Variants in UQCRB observed in about 807,000 individuals in gnomAD.
UQCRB encodes the protein ubiquinol-cytochrome c reductase binding protein.
UQCRB carries 12 observed loss-of-function variants against 19.8 expected under a neutral mutation model. That is an observed-to-expected ratio of 0.61 (90% CI 0.39 to 0.98). The LOEUF (loss-of-function observed/expected upper bound fraction) is 0.98. Ranked by LOEUF, UQCRB falls within the 50% of genes least tolerant of loss-of-function variation. The pLI is 0.00. For missense variants in UQCRB, 142 were observed against 131.8 expected (o/e 1.08, Z -0.38); for synonymous variants, 39 against 42.9 (o/e 0.91, Z 0.35).
chr8:96,226,451 CTT>C lies in UQCRB; in HGVS notation c.*4602_*4603del, dbSNP rs1264240177. 1.0e-4 allele frequency: 17 copies of C among 169,704 alleles called. No individual in the cohort carries two copies. The highest frequency in any genetic ancestry group is 3.9e-4 in the African/African-American group (16 of 41,538). The allele number at this position is 169,704 out of a possible 1,614,324, so 10.5% of individuals were successfully genotyped here. ...TCATTTTCTAGCTGAGGAAGCCAAT[CTT>C]TAGACTAATGACTTGCCTAAATCAT... On this transcript the variant is annotated 3_prime_UTR_variant, in exon 4 of 4. Coordinates refer to ENST00000287022, the MANE Select transcript of UQCRB (RefSeq NM_006294.5).
Position 96,223,800 on chromosome 8 carries a change from C to T in UQCRB, c.*7255G>A, listed in dbSNP as rs763513807. ...AATGTTTTCAGAATGGACAAACCTTCTGTTTTCTATCATATGGCATCTTTT... is the reference window on the plus strand; with the variant it reads ...AATGTTTTCAGAATGGACAAACCTTTTGTTTTCTATCATATGGCATCTTTT... On this transcript the variant is annotated 3_prime_UTR_variant, in exon 4 of 4. Coordinates refer to ENST00000287022, the MANE Select transcript of UQCRB (RefSeq NM_006294.5). 6.6e-6 allele frequency among the ~76,000 whole-genome samples: 1 copy of T among 152,196 alleles called. No individual in the cohort carries two copies. The highest frequency in any genetic ancestry group is 1.5e-5 in the Non-Finnish European group (1 of 68,046).
rs1809471205 is a variant in UQCRB, at chr8:96,223,008, G to C, written c.*8047C>G. Among the ~76,000 whole-genome samples the C allele has an allele frequency of 6.6e-6, 1 of 152,136 alleles. No homozygotes were observed. The highest frequency in any genetic ancestry group is 2.4e-5 in the African/African-American group (1 of 41,416). On this transcript the variant is annotated 3_prime_UTR_variant, in exon 4 of 4. Coordinates refer to ENST00000287022, the MANE Select transcript of UQCRB (RefSeq NM_006294.5). The stretch of plus-strand genomic sequence containing the variant: ...ATGTCAAATACATAGAAACAGAGAA[G>C]AATGGTGGTTTCCAGAGTGGGAAGG...
In UQCRB at chr8:96,233,247, T is replaced by C. The variant is rs200955729; in HGVS notation, c.20-20A>G. 1 of 1,611,474 alleles carries C rather than the reference T, an allele frequency of 6.2e-7. No individual in the cohort carries two copies. The highest frequency in any genetic ancestry group is 8.5e-7 in the Non-Finnish European group (1 of 1,178,104). ...CTGAAACTGATAATTGTCACACTGTTAATTGCTACAATTTAATTATACTAT... is the reference window on the plus strand; with the variant it reads ...CTGAAACTGATAATTGTCACACTGTCAATTGCTACAATTTAATTATACTAT... On this transcript the variant is annotated intron_variant, in intron 1 of 3. Coordinates refer to ENST00000287022, the MANE Select transcript of UQCRB (RefSeq NM_006294.5).
At position 96,231,629 on chromosome 8, in the gene UQCRB, G is replaced by A. The variant is rs765008247; in HGVS notation, c.258+145C>T. 6.7e-5 allele frequency: 93 copies of A among 1,383,022 alleles called. No individual in the cohort carries two copies. The Admixed American group carries it at 1.4e-3, about 21-fold the overall frequency. 85.7% of individuals were successfully genotyped at this position (1,383,022 alleles called of 1,614,324 possible). Reference sequence around the variant, plus strand: ...ACTCAATGTGGTTTTCTTCTAAAACGGAAATAACATTTGCTTTATTAACCT... The same window carrying A: ...ACTCAATGTGGTTTTCTTCTAAAACAGAAATAACATTTGCTTTATTAACCT... On this transcript the variant is annotated intron_variant, in intron 3 of 3. Coordinates refer to ENST00000287022, the MANE Select transcript of UQCRB (RefSeq NM_006294.5).
chr8:96,233,342 T>A (rs1194217097), intron 1 of UQCRB, 115 bp from the exon 2 acceptor site: 1 of 987,372 alleles, frequency 1.0e-6, no homozygotes, highest in Admixed American at 1.8e-5. Context: ...TAGAAATAAA[T>A]TTCCTTTTAA....
intron 2 of UQCRB, chr8:96,232,338 G>A: frequency 4.8e-6 from 1 of 208,172 alleles, no homozygotes; most frequent in East Asian, 1.3e-4. Flanking sequence ...CTGAGATCAA[G>A]GTATTAAAGA....
In UQCRB at chr8:96,225,219, T is replaced by C. The variant is rs181560857; in HGVS notation, c.*5836A>G. 2.6e-5 allele frequency among the ~76,000 whole-genome samples: 4 copies of C among 152,202 alleles called. No individual in the cohort carries two copies. Among genetic ancestry groups the C allele is most frequent in the Non-Finnish European group, 4.4e-5 (3 of 68,006 alleles). ...GAAATAACAACTTGATAATAGCATA[T>C]GGAAAAACGTCTAGCTACTCAATCC... On this transcript the variant is annotated 3_prime_UTR_variant, in exon 4 of 4. Coordinates refer to ENST00000287022, the MANE Select transcript of UQCRB (RefSeq NM_006294.5).
In UQCRB at chr8:96,231,890, T is replaced by C. The variant is rs765967155; in HGVS notation, c.142A>G (p.Ile48Val). ...TAAAGGTTCTCAGGAAGTCTTCTTA[T>C]GGCTTCTTTTACATCTTCATCCTCG... ...IYEDEDVKEA[I>V]RRLPENLYND... The change falls in exon 3 of 4, where the codon ATA becomes GTA. Residue 48 changes from isoleucine to valine, a missense_variant. Physicochemically the swap from Ile to Val is conservative, Grantham distance 29. This residue lies in a region of UQCRB where 132 missense variants were observed against 107.5 expected (regional missense o/e 1.23). Transcript: ENST00000287022. 21 of 1,614,050 alleles carry C rather than the reference T, an allele frequency of 1.3e-5. No homozygotes were observed. In the South Asian group the frequency reaches 2.0e-4, roughly 15 times the overall value.
chr8:96,234,766 C>T (rs1481018087), intron 1 of UQCRB: 11 of 266,310 alleles, frequency 4.1e-5, no homozygotes, highest in South Asian at 2.9e-4. Flanking sequence ...AGCAAGACTC[C>T]GTCTCAAAGA....
At position 96,229,783 on chromosome 8, in the gene UQCRB, GA is replaced by G. The variant is rs1391388501; in HGVS notation, c.*1271del. Reference sequence around the variant, plus strand: ...AGCGAAAGGAAAAAAAAAAGCGGGGGAGGGGGTTCCTAGAGAATTTAAGAGG... The same window carrying G: ...AGCGAAAGGAAAAAAAAAAGCGGGGGGGGGGTTCCTAGAGAATTTAAGAGG... On this transcript the variant is annotated 3_prime_UTR_variant, in exon 4 of 4. Transcript: ENST00000287022. 2 of 453,638 alleles carry G rather than the reference GA, an allele frequency of 4.4e-6. No individual in the cohort carries two copies. The highest frequency in any genetic ancestry group is 8.8e-6 in the Non-Finnish European group (2 of 226,710). 28.1% of individuals were successfully genotyped at this position (453,638 alleles called of 1,614,324 possible).
At chr8:96,233,584 G>T (rs1809726749) in intron 1 of UQCRB, 2 of 192,376 alleles carry the variant, frequency 1.0e-5, no homozygotes, top group East Asian at 2.9e-4. Context: ...CTTCAGAAAT[G>T]AAGGGGTGGG....
In UQCRB at chr8:96,227,730, GT is replaced by G. The variant is rs1337360720; in HGVS notation, c.*3324del. 2.2e-6 allele frequency: 1 copy of G among 453,738 alleles called. No homozygotes were observed. Among genetic ancestry groups the G allele is most frequent in the East Asian group, 6.9e-5 (1 of 14,394 alleles). The allele number at this position is 453,738 out of a possible 1,614,324, so 28.1% of individuals were successfully genotyped here. A position where few individuals can be genotyped will look rare whatever the true frequency, so the allele number is the denominator to read the frequency against. On this transcript the variant is annotated 3_prime_UTR_variant, in exon 4 of 4. Transcript: ENST00000287022. Reference sequence around the variant, plus strand: ...GATTATTACTTTGGGCTTTGGCCCAGTTTTTATTCTTACTGCTGAATCTTTT... The same window carrying G: ...GATTATTACTTTGGGCTTTGGCCCAGTTTTATTCTTACTGCTGAATCTTTT...
chr8:96,231,224 A>G (rs1359991205), intron 3 of UQCRB, 92 bp from the exon 4 acceptor site: 6 of 1,612,080 alleles, frequency 3.7e-6, no homozygotes, highest in Non-Finnish European at 5.1e-6. Context: ...AAAAGCAATT[A>G]CTTTTGAATT....
rs1809485403 is a variant in UQCRB, at chr8:96,223,863, A to G, written c.*7192T>C. On this transcript the variant is annotated 3_prime_UTR_variant, in exon 4 of 4. Coordinates refer to ENST00000287022, the MANE Select transcript of UQCRB (RefSeq NM_006294.5). ...TTACCTGCATTAAATTGTGTAGAAG[A>G]GTAAGTCTCTGATTGGAAGCAGATC... Among the ~76,000 whole-genome samples the G allele has an allele frequency of 6.6e-6, 1 of 152,124 alleles. No individual in the cohort carries two copies. The highest frequency in any genetic ancestry group is 6.5e-5 in the Admixed American group (1 of 15,288).
rs952914000 is a variant in UQCRB, at chr8:96,227,015, A to C, written c.*4040T>G. On this transcript the variant is annotated 3_prime_UTR_variant, in exon 4 of 4. Coordinates refer to ENST00000287022, the MANE Select transcript of UQCRB (RefSeq NM_006294.5). ...ATTCTAACATGTTATGGCTTTTAAT[A>C]TGAACGCCAGTATAACCAGAATGTA... 2.2e-6 allele frequency: 1 copy of C among 454,036 alleles called. No individual in the cohort carries two copies. The highest frequency in any genetic ancestry group is 2.0e-5 in the African/African-American group (1 of 50,130). The allele number at this position is 454,036 out of a possible 1,614,324, so 28.1% of individuals were successfully genotyped here. A position where few individuals can be genotyped will look rare whatever the true frequency, so the allele number is the denominator to read the frequency against.
Position 96,229,347 on chromosome 8 carries a change from A to G in UQCRB, c.*1708T>C. Reference sequence around the variant, plus strand: ...TGCCCTTAGGCTTGCTTTAAACATTAACAGCATTCATAAGCATGGTTTCTA... The same window carrying G: ...TGCCCTTAGGCTTGCTTTAAACATTGACAGCATTCATAAGCATGGTTTCTA... On this transcript the variant is annotated 3_prime_UTR_variant, in exon 4 of 4. Transcript: ENST00000287022. 2.2e-6 allele frequency: 1 copy of G among 454,068 alleles called. No homozygotes were observed. The highest frequency in any genetic ancestry group is 4.4e-6 in the Non-Finnish European group (1 of 226,778). The allele number at this position is 454,068 out of a possible 1,614,324, so 28.1% of individuals were successfully genotyped here.
Position 96,228,975 on chromosome 8 carries a change from G to T in UQCRB, c.*2080C>A. ...AAAGGCCCTCTCTTTCAAATGAAAGGACTTCACTGATGGATTAACAAATTC... is the reference window on the plus strand; with the variant it reads ...AAAGGCCCTCTCTTTCAAATGAAAGTACTTCACTGATGGATTAACAAATTC... On this transcript the variant is annotated 3_prime_UTR_variant, in exon 4 of 4. Coordinates refer to ENST00000287022, the MANE Select transcript of UQCRB (RefSeq NM_006294.5). 2.2e-6 allele frequency: 1 copy of T among 454,034 alleles called. No homozygotes were observed. Among genetic ancestry groups the T allele is most frequent in the Non-Finnish European group, 4.4e-6 (1 of 226,784 alleles). 28.1% of individuals were successfully genotyped at this position (454,034 alleles called of 1,614,324 possible). A position where few individuals can be genotyped will look rare whatever the true frequency, so the allele number is the denominator to read the frequency against.
chr8:96,228,691 T>G lies in UQCRB; in HGVS notation c.*2364A>C, dbSNP rs1333095026. 1 of 454,148 alleles carries G rather than the reference T, an allele frequency of 2.2e-6. No homozygotes were observed. The highest frequency in any genetic ancestry group is 6.9e-5 in the East Asian group (1 of 14,402). 28.1% of individuals were successfully genotyped at this position (454,148 alleles called of 1,614,324 possible). On this transcript the variant is annotated 3_prime_UTR_variant, in exon 4 of 4. Transcript: ENST00000287022. ...ACTGGGTGAAGTAGGTTTCTATCATTAGCTCTATCTTAGGGACAAACAAAC... is the reference window on the plus strand; with the variant it reads ...ACTGGGTGAAGTAGGTTTCTATCATGAGCTCTATCTTAGGGACAAACAAAC...
Position 96,230,083 on chromosome 8 carries a change from A to T in UQCRB, c.*972T>A, listed in dbSNP as rs1364707931. 1 of 453,844 alleles carries T rather than the reference A, an allele frequency of 2.2e-6. No individual in the cohort carries two copies. The highest frequency in any genetic ancestry group is 4.4e-6 in the Non-Finnish European group (1 of 226,766). The allele number at this position is 453,844 out of a possible 1,614,324, so 28.1% of individuals were successfully genotyped here. A position where few individuals can be genotyped will look rare whatever the true frequency, so the allele number is the denominator to read the frequency against. On this transcript the variant is annotated 3_prime_UTR_variant, in exon 4 of 4. Coordinates refer to ENST00000287022, the MANE Select transcript of UQCRB (RefSeq NM_006294.5). The stretch of plus-strand genomic sequence containing the variant: ...GTGGAAATGATGACAACATTGAATA[A>T]TCCTAATTTTTTTTTTGAGACAGTC...
Sources: gnomAD v4.1 joint callset for allele counts (sites outside exome capture counted in the v4.1 genomes callset) on GRCh38, gnomAD v4.1.1 for gene constraint, gnomAD v4.1.1 regional missense constraint, MANE v1.5 for transcripts, NCBI Gene and HGNC (gene_info 2026-07-23, HGNC 2026-07-21) for gene names.